DGKB: variants seen among roughly 807,000 people sequenced by gnomAD.
DGKB encodes the protein 90 kDa diacylglycerol kinase.
DGKB carries 67 observed loss-of-function variants against 114.3 expected under a neutral mutation model. The observed-to-expected ratio is 0.59, with a 90% CI of 0.48 to 0.72. The LOEUF is 0.72. Among genes scored for constraint, DGKB ranks in the 30% least tolerant of loss-of-function variants. The pLI is 0.00. For missense variants in DGKB, 907 were observed against 975.2 expected, an observed-to-expected ratio of 0.93 and a Z score of 0.93; for synonymous variants, 398 against 323.1, an observed-to-expected ratio of 1.23 and a Z score of -2.49.
At chr7:14,727,033 G>C (rs975621903) in intron 5 of DGKB, among the ~76,000 whole-genome samples, 4 of 151,960 alleles carry the variant, frequency 2.6e-5, no homozygotes, top group African/African-American at 9.7e-5. Context: ...GCCTCTGCAG[G>C]GTATTAAATC....
chr7:14,154,957 C>T (rs546916289), intron 25 of DGKB, among the ~76,000 whole-genome samples: 1 of 151,728 alleles, frequency 6.6e-6, no homozygotes, highest in South Asian at 2.1e-4. Context: ...TTTTAGTTCT[C>T]CAAATGTGAT....
intron 5 of DGKB, among the ~76,000 whole-genome samples, chr7:14,722,050 C>T (rs1163005754): frequency 4.6e-5 from 7 of 152,210 alleles, no homozygotes; most frequent in Admixed American, 3.9e-4. Flanking sequence ...TTCCTCCCCA[C>T]TACCAACATT....
At position 14,513,940 on chromosome 7, in the gene DGKB, G is replaced by A. The variant is rs546387060; in HGVS notation, c.1771-35715C>T. ...CCAAAATTTGCTGGTATTGCTTTTG[G>A]TCTACTGACATTTCTAGCATTTAAT... On this transcript the variant is annotated intron_variant, in intron 20 of 25. Coordinates refer to ENST00000402815, the MANE Select transcript of DGKB (RefSeq NM_001350709.2). 2.6e-3 allele frequency among the ~76,000 whole-genome samples: 397 copies of A among 151,820 alleles called. 2 individuals carry two copies. The highest frequency in any genetic ancestry group is 8.7e-3 in the African/African-American group (362 of 41,442).
At chr7:14,872,842 T>C (rs910850825) in intron 1 of DGKB, among the ~76,000 whole-genome samples, 5 of 149,986 alleles carry the variant, frequency 3.3e-5, no homozygotes, top group African/African-American at 1.2e-4. Flanking sequence ...ATAATATATT[T>C]CATAAAGCTT....
intron 8 of DGKB, among the ~76,000 whole-genome samples, chr7:14,695,490 C>CTT (rs1823663284): frequency 1.3e-4 from 11 of 81,688 alleles, no homozygotes; most frequent in African/African-American, 3.7e-4. Context: ...CTCTCTCTCT[C>CTT]TCTCTTTTTT....
intron 21 of DGKB, among the ~76,000 whole-genome samples, chr7:14,368,381 C>T (rs1158510456): frequency 2.0e-5 from 3 of 152,150 alleles, no homozygotes; most frequent in Admixed American, 1.3e-4. Context: ...CCAACTCATC[C>T]AGATTTTTTT....
intron 23 of DGKB, among the ~76,000 whole-genome samples, chr7:14,336,500 C>G (rs1810699257): frequency 6.6e-6 from 1 of 152,144 alleles, no homozygotes; most frequent in Non-Finnish European, 1.5e-5. Flanking sequence ...TATTTCCCAT[C>G]TGTGTACAGA....
chr7:14,946,091 G>T (rs1370875442), intron 1 of DGKB, among the ~76,000 whole-genome samples: 1 of 150,696 alleles, frequency 6.6e-6, no homozygotes, highest in African/African-American at 2.5e-5. Flanking sequence ...TAATATATGG[G>T]TATTCTTGAG....
intron 2 of DGKB, among the ~76,000 whole-genome samples, chr7:14,769,125 GA>G (rs1836948663): frequency 1.2e-5 from 1 of 83,800 alleles, no homozygotes; most frequent in South Asian, 3.6e-4. Flanking sequence ...AAGAAAGAAA[GA>G]GAGAGAGAGA....
intron 5 of DGKB, among the ~76,000 whole-genome samples, chr7:14,723,609 AT>A (rs1829586290): frequency 1.3e-5 from 2 of 152,072 alleles, no homozygotes; most frequent in Non-Finnish European, 1.5e-5. Flanking sequence ...ACACATATAT[AT>A]GTGTATGTAT....
intron 1 of DGKB, among the ~76,000 whole-genome samples, chr7:14,843,939 G>A (rs1285322321): frequency 3.3e-5 from 5 of 152,210 alleles, no homozygotes; most frequent in Non-Finnish European, 7.3e-5. Context: ...AACTCTGTGA[G>A]GTAGGTGCTA....
chr7:14,441,321 A>G (rs1004952717), intron 21 of DGKB, among the ~76,000 whole-genome samples: 8 of 152,114 alleles, frequency 5.3e-5, no homozygotes, highest in African/African-American at 1.7e-4. Flanking sequence ...TCTTTTGCCT[A>G]TCAGACTGCA....
intron 21 of DGKB, among the ~76,000 whole-genome samples, chr7:14,454,090 G>A (rs924881059): frequency 2.0e-5 from 3 of 152,058 alleles, no homozygotes; most frequent in African/African-American, 7.2e-5. Context: ...TAATGATCAA[G>A]TCAGCCTAAT....
At chr7:14,170,863 T>C (rs1780891271) in intron 25 of DGKB, among the ~76,000 whole-genome samples, 1 of 152,138 alleles carries the variant, frequency 6.6e-6, no homozygotes, top group Non-Finnish European at 1.5e-5. Flanking sequence ...GTCTTCCTAG[T>C]AGAGGACACA....
intron 2 of DGKB, among the ~76,000 whole-genome samples, chr7:14,825,673 C>G (rs1307235385): frequency 6.6e-6 from 1 of 152,112 alleles, no homozygotes; most frequent in African/African-American, 2.4e-5. Flanking sequence ...CAGCCTGGTT[C>G]CTAACAGGCC....
At chr7:14,593,316 T>G (rs1259470460) in intron 17 of DGKB, among the ~76,000 whole-genome samples, 1 of 152,020 alleles carries the variant, frequency 6.6e-6, no homozygotes, top group African/African-American at 2.4e-5. Flanking sequence ...TAATGTTATC[T>G]CATTAAATAA....
intron 1 of DGKB, among the ~76,000 whole-genome samples, chr7:14,937,040 A>G (rs1006327728): frequency 1.4e-5 from 2 of 143,360 alleles, no homozygotes; most frequent in African/African-American, 5.3e-5. Context: ...ACACACACAC[A>G]CACACACACA....
At chr7:14,856,005 A>G (rs1850095337) in intron 1 of DGKB, among the ~76,000 whole-genome samples, 2 of 27,436 alleles carry the variant, frequency 7.3e-5, no homozygotes, top group Non-Finnish European at 1.0e-4. Flanking sequence ...ATATATATAC[A>G]CACACACACA....
chr7:14,155,324 A>G (rs1450135696), intron 25 of DGKB, among the ~76,000 whole-genome samples: 2 of 152,152 alleles, frequency 1.3e-5, no homozygotes, highest in African/African-American at 4.8e-5. Context: ...CAAGTTGAAT[A>G]GATACATATG....
Sources: gnomAD v4.1 joint callset for allele counts (sites outside exome capture counted in the v4.1 genomes callset) on GRCh38, gnomAD v4.1.1 for gene constraint, MANE v1.5 for transcripts, NCBI Gene and HGNC (gene_info 2026-07-23, HGNC 2026-07-21) for gene names.